SOD2: variants seen among roughly 807,000 people sequenced by gnomAD.
SOD2 encodes the protein superoxide dismutase [Mn], mitochondrial.
In SOD2, 11 loss-of-function variants were observed where a neutral mutation model predicts 27.0. The observed-to-expected ratio is 0.41, with a 90% CI of 0.26 to 0.67. The LOEUF (loss-of-function observed/expected upper bound fraction) is 0.67, where lower values mean the gene tolerates loss of function less well. Ranked by LOEUF, SOD2 falls within the 30% of genes least tolerant of loss-of-function variation. The probability of loss-of-function intolerance (pLI) is 0.34; values close to 1 mark genes in which losing one functional copy is unlikely to be tolerated. For synonymous variants in SOD2, 105 were observed against 103.0 expected, an observed-to-expected ratio of 1.02 and a Z score of -0.12; for missense variants, 250 against 274.5, an observed-to-expected ratio of 0.91 and a Z score of 0.63.
At chr6:159,734,101 C>G (rs1201572093) in intron 1 of SOD2, among the ~76,000 whole-genome samples, 2 of 152,020 alleles carry the variant, frequency 1.3e-5, no homozygotes, top group Non-Finnish European at 2.9e-5. Flanking sequence ...ATAAAACATG[C>G]TGTTGGAAGA....
exon 1 of SOD2, chr6:159,761,866 C>CCGCCCCGCGCCCCG (rs58958183): frequency 4.7e-4 from 124 of 262,842 alleles, no homozygotes; most frequent in Middle Eastern, 3.6e-3. Flanking sequence ...GGCCTCACTT[C>CCGCCCCGCGCCCCG]CGCCCCGCGC....
At chr6:159,735,800 A>T (rs1267248153) in intron 1 of SOD2, among the ~76,000 whole-genome samples, 1 of 152,150 alleles carries the variant, frequency 6.6e-6, no homozygotes, top group East Asian at 1.9e-4. Context: ...ATTGGGCAGT[A>T]GTAAATTATG....
chr6:159,683,552 T>C (rs1253775411), intron 4 of SOD2, among the ~76,000 whole-genome samples: 2 of 152,184 alleles, frequency 1.3e-5, no homozygotes, highest in Admixed American at 6.6e-5. Context: ...CCAGTATGTC[T>C]TGATCAGTTG....
At chr6:159,719,192 C>A (rs9365090) in intron 1 of SOD2, among the ~76,000 whole-genome samples, 1 of 151,684 alleles carries the variant, frequency 6.6e-6, no homozygotes, top group South Asian at 2.1e-4. Context: ...ATAAAAGGGA[C>A]CCCATAGAGC....
chr6:159,727,496 G>A, upstream of SOD2: 3 of 993,676 alleles, frequency 3.0e-6, no homozygotes, highest in South Asian at 8.8e-5. Context: ...GGGCGGCGGG[G>A]CCTGGTTTCC....
intron 1 of SOD2, among the ~76,000 whole-genome samples, chr6:159,701,791 C>T (rs1777526814): frequency 6.6e-6 from 1 of 152,064 alleles, no homozygotes; most frequent in East Asian, 1.9e-4. Flanking sequence ...CCAACATTTC[C>T]AGCTTGAATG....
intron 1 of SOD2, among the ~76,000 whole-genome samples, chr6:159,698,346 A>G (rs1337904683): frequency 6.6e-6 from 1 of 151,978 alleles, no homozygotes; most frequent in Non-Finnish European, 1.5e-5. Flanking sequence ...GACTGCAGTG[A>G]GCTGAGATCC....
chr6:159,712,398 TCACACTGCTCTGATCACCA>T (rs1777825579), intron 1 of SOD2, among the ~76,000 whole-genome samples: 1 of 84,840 alleles, frequency 1.2e-5, no homozygotes, highest in Admixed American at 1.2e-4. Context: ...TAACCACCAC[TCACACTGCTCTGATCACCA>T]TAACCACCTC....
intron 1 of SOD2, among the ~76,000 whole-genome samples, chr6:159,698,938 T>TGGGGGGGGGG: frequency 1.2e-5 from 1 of 84,882 alleles, no homozygotes; most frequent in Admixed American, 1.8e-4. Flanking sequence ...GTCTGGGGGG[T>TGGGGGGGGGG]GGGGGGCGGG....
intron 1 of SOD2, chr6:159,725,826 T>C (rs890023718): frequency 2.0e-5 from 3 of 152,118 alleles, no homozygotes; most frequent in Non-Finnish European, 2.9e-5. Flanking sequence ...TTTTTGCTTT[T>C]GAATACAGTG....
upstream of SOD2, among the ~76,000 whole-genome samples, chr6:159,746,694 CTG>C (rs1461165714): frequency 6.6e-6 from 1 of 152,146 alleles, no homozygotes; most frequent in African/African-American, 2.4e-5. Context: ...TAAGTAAAAT[CTG>C]TCATTTTTGT....
At chr6:159,740,093 C>G (rs1779159755) in intron 1 of SOD2, among the ~76,000 whole-genome samples, 2 of 151,934 alleles carry the variant, frequency 1.3e-5, no homozygotes, top group Admixed American at 1.3e-4. Flanking sequence ...GATTCTCTCA[C>G]CTTGGCCTCC....
chr6:159,727,080 T>C (rs1393539936), intron 1 of SOD2: 1 of 1,202,214 alleles, frequency 8.3e-7, no homozygotes, highest in Non-Finnish European at 1.1e-6. Flanking sequence ...GCCCTGGGGC[T>C]GACCTCCGAC....
intron 2 of SOD2, among the ~76,000 whole-genome samples, chr6:159,690,370 G>C (rs1188870802): frequency 1.3e-5 from 2 of 151,826 alleles, no homozygotes; most frequent in Non-Finnish European, 2.9e-5. Flanking sequence ...GCCGAGGTGC[G>C]TGGATAGGGG....
At chr6:159,726,770 A>G in intron 1 of SOD2, 1 of 1,288,880 alleles carries the variant, frequency 7.8e-7, no homozygotes, top group South Asian at 1.2e-5. Context: ...GATGTCAAGG[A>G]GGAACGAACC....
At chr6:159,719,483 G>A (rs964253073) in intron 1 of SOD2, among the ~76,000 whole-genome samples, 19 of 151,908 alleles carry the variant, frequency 1.3e-4, no homozygotes, top group Admixed American at 1.2e-3. Flanking sequence ...AGCCGAGATC[G>A]GGAGAGGTGG....
chr6:159,692,405 C>T (rs1044154410), intron 2 of SOD2: 2 of 1,390,684 alleles, frequency 1.4e-6, no homozygotes, highest in Non-Finnish European at 1.9e-6. Context: ...ATGTGGCTCA[C>T]AACAGTAAGG....
chr6:159,744,527 C>A (rs941301556), intron 1 of SOD2, among the ~76,000 whole-genome samples: 1 of 58,764 alleles, frequency 1.7e-5, no homozygotes, highest in African/African-American at 5.5e-5. Context: ...GGGCACAGTC[C>A]TGTTCTGTTT....
upstream of SOD2, among the ~76,000 whole-genome samples, chr6:159,693,499 C>T (rs1777342889): frequency 6.6e-6 from 1 of 152,112 alleles, no homozygotes; most frequent in Non-Finnish European, 1.5e-5. Flanking sequence ...GTCTGCCGTA[C>T]TTGAGTGGCG....
Sources: allele counts gnomAD v4.1 joint callset (sites outside exome capture counted in the v4.1 genomes callset), GRCh38; gene constraint gnomAD v4.1.1; transcripts MANE v1.5; gene names NCBI Gene and HGNC (gene_info 2026-07-23, HGNC 2026-07-21).